Variants in PTPA observed in about 807,000 individuals in gnomAD.
PTPA encodes the protein protein phosphatase 2 phosphatase activator.
Under a neutral mutation model 43.6 loss-of-function variants are expected in PTPA, and 13 were observed. The ratio of observed to expected loss-of-function variants is 0.30; its 90% CI spans 0.19 to 0.47. The LOEUF (loss-of-function observed/expected upper bound fraction) is 0.47. PTPA is among the 20% of genes least tolerant of loss of function. The pLI is 0.99. For missense variants in PTPA, 329 were observed against 411.9 expected, an observed-to-expected ratio of 0.80 and a Z score of 1.74; for synonymous variants, 172 against 158.2, an observed-to-expected ratio of 1.09 and a Z score of -0.66.
chr9:129,146,488 C>G (rs1204601491), intron 9 of PTPA, among the ~76,000 whole-genome samples: 1 of 152,366 alleles, frequency 6.6e-6, no homozygotes, highest in African/African-American at 2.4e-5. Flanking sequence ...CTCTTACTCT[C>G]TCTGAGGCCA....
intron 3 of PTPA, among the ~76,000 whole-genome samples, chr9:129,128,662 A>G (rs1313078701): frequency 6.6e-6 from 1 of 152,086 alleles, no homozygotes; most frequent in African/African-American, 2.4e-5. Context: ...AAAGGCTTCC[A>G]TAAAGTCTTT....
chr9:129,143,176 T>C, intron 9 of PTPA: 1 of 619,206 alleles, frequency 1.6e-6, no homozygotes, highest in Non-Finnish European at 2.9e-6. Context: ...GGCACTGTTC[T>C]CCCAGCCAAG....
At chr9:129,111,662 G>T (rs1588473562) in intron 1 of PTPA, 31 bp downstream of exon 1, 3 of 1,277,534 alleles carry the variant, frequency 2.3e-6, no homozygotes, top group East Asian at 3.1e-5. Flanking sequence ...CCGGGCCGGG[G>T]TCGGGTAGGG....
At chr9:129,117,909 G>T (rs1848985743) in intron 1 of PTPA, among the ~76,000 whole-genome samples, 1 of 151,620 alleles carries the variant, frequency 6.6e-6, no homozygotes, top group South Asian at 2.1e-4. Context: ...TGTTTCCCAG[G>T]CCTGGTCTGG....
chr9:129,113,725 G>A (rs1196270686), intron 1 of PTPA, among the ~76,000 whole-genome samples: 1 of 152,058 alleles, frequency 6.6e-6, no homozygotes, highest in Non-Finnish European at 1.5e-5. Context: ...AGCCGAGATT[G>A]CTCCACTGCA....
In PTPA at chr9:129,115,983, C is replaced by T. The variant is rs993370659; in HGVS notation, c.31+4352C>T. 4.6e-5 allele frequency among the ~76,000 whole-genome samples: 7 copies of T among 152,080 alleles called. No individual in the cohort carries two copies. The East Asian group carries it at 5.8e-4, about 13-fold the overall frequency. ...TCAAGTGATTCTTCTGCCTCAGCTT[C>T]GCGAGTAGCTGGGACTACAGGTGTG... On this transcript the variant is annotated intron_variant, in intron 1 of 9. Transcript: ENST00000393370.
At chr9:129,111,324 C>T (rs755440153), upstream of PTPA, 2 of 1,168,458 alleles carry the variant, frequency 1.7e-6, no homozygotes, top group Non-Finnish European at 1.1e-6. Flanking sequence ...GCGCATGCGC[C>T]CCGCGCGCCC....
Position 129,134,646 on chromosome 9 carries a change from T to C in PTPA, c.461-149T>C, listed in dbSNP as rs538899415. ...TCTTGAAAGGAAAGGGCCTAGCAAGTCTTTCTGAATGGGGAAGAGGTCTCA... is the reference window on the plus strand; with the variant it reads ...TCTTGAAAGGAAAGGGCCTAGCAAGCCTTTCTGAATGGGGAAGAGGTCTCA... On this transcript the variant is annotated intron_variant, in intron 5 of 9. Coordinates refer to ENST00000393370, the MANE Select transcript of PTPA (RefSeq NM_178000.3). 9.6e-6 allele frequency: 6 copies of C among 623,754 alleles called. No individual in the cohort carries two copies. The East Asian group carries it at 1.4e-4, about 14-fold the overall frequency. 38.6% of individuals were successfully genotyped at this position (623,754 alleles called of 1,614,324 possible).
At chr9:129,131,448 G>A in intron 4 of PTPA, 74 bp from the exon 5 acceptor site, 1 of 1,358,526 alleles carries the variant, frequency 7.4e-7, no homozygotes, top group Non-Finnish European at 1.0e-6. Context: ...CCAGTCAGGT[G>A]CTGCCCCTGG....
chr9:129,118,146 TG>T (rs1402611962), intron 1 of PTPA, among the ~76,000 whole-genome samples: 1 of 150,670 alleles, frequency 6.6e-6, no homozygotes. Flanking sequence ...CTCTGCCTCC[TG>T]GGTTCAGGCA....
chr9:129,145,139 T>C (rs1588542424), intron 9 of PTPA, among the ~76,000 whole-genome samples: 1 of 152,180 alleles, frequency 6.6e-6, no homozygotes, highest in Non-Finnish European at 1.5e-5. Flanking sequence ...ATGACCAGCC[T>C]GGCCAACACG....
intron 9 of PTPA, chr9:129,143,791 AC>A: frequency 4.9e-6 from 1 of 202,812 alleles, no homozygotes; most frequent in Non-Finnish European, 1.0e-5. Flanking sequence ...GCAGCTGGCC[AC>A]CCCCGGCTCT....
intron 3 of PTPA, 121 bp downstream of exon 3, chr9:129,123,259 G>A (rs1849375155): frequency 2.7e-6 from 2 of 740,350 alleles, no homozygotes; most frequent in South Asian, 3.1e-5. Context: ...GGCTCACGAG[G>A]TCAGGAGATC....
intron 5 of PTPA, 53 bp from the exon 6 acceptor site, chr9:129,134,742 A>G (rs1468688842): frequency 1.2e-5 from 18 of 1,450,572 alleles, no homozygotes; most frequent in Non-Finnish European, 1.5e-5. Flanking sequence ...GACTAAAACA[A>G]TCCCAGTCCT....
intron 2 of PTPA, among the ~76,000 whole-genome samples, chr9:129,122,083 TCTCTAGGGGCCTGCAC>T (rs1849283806): frequency 6.6e-6 from 1 of 151,142 alleles, no homozygotes. Context: ...AGCAACTGCC[TCTCTAGGGGCCTGCAC>T]CTCAATGCTA....
intron 4 of PTPA, among the ~76,000 whole-genome samples, chr9:129,130,668 C>T (rs1368147549): frequency 6.6e-6 from 1 of 152,154 alleles, no homozygotes; most frequent in Admixed American, 6.5e-5. Context: ...GTTGGAATTA[C>T]AGGTGTGAGC....
intron 2 of PTPA, 105 bp downstream of exon 2, chr9:129,120,715 C>CT: frequency 1.0e-6 from 1 of 959,856 alleles, no homozygotes; most frequent in Non-Finnish European, 1.6e-6. Context: ...TGGAGCCTGA[C>CT]TTTTCAGAAG....
At chr9:129,123,829 G>A (rs759983072) in intron 3 of PTPA, among the ~76,000 whole-genome samples, 6 of 151,876 alleles carry the variant, frequency 4.0e-5, no homozygotes, top group African/African-American at 1.2e-4. Flanking sequence ...GATTACAGGC[G>A]TGTGCCACCA....
At chr9:129,139,962 G>C (rs945887843) in intron 8 of PTPA, 3 of 152,398 alleles carry the variant, frequency 2.0e-5, no homozygotes, top group Non-Finnish European at 4.4e-5. Flanking sequence ...AAGAATTTCA[G>C]TTTCAATCTG....
Sources: gnomAD v4.1 joint callset for allele counts (sites outside exome capture counted in the v4.1 genomes callset) on GRCh38, gnomAD v4.1.1 for gene constraint, MANE v1.5 for transcripts, NCBI Gene and HGNC (gene_info 2026-07-23, HGNC 2026-07-21) for gene names.